The following CUBN variants were observed in gnomAD, a reference collection of about 807,000 sequenced individuals.
CUBN encodes the protein cubilin.
A neutral mutation model predicts 405.3 loss-of-function variants in CUBN; 282 were observed. The observed-to-expected ratio is 0.70, with a 90% CI of 0.63 to 0.77. The LOEUF is 0.77. CUBN is among the 30% of genes least tolerant of loss of function. The probability of loss-of-function intolerance (pLI) is 0.00; values close to 1 mark genes in which losing one functional copy is unlikely to be tolerated. For synonymous variants in CUBN, 1,684 were observed against 1,617.0 expected, an observed-to-expected ratio of 1.04 and a Z score of -0.99; for missense variants, 4,514 against 4,475.2, an observed-to-expected ratio of 1.01 and a Z score of -0.25.
At chr10:16,854,932 T>TCCTC (rs1225822398) in intron 59 of CUBN, among the ~76,000 whole-genome samples, 6 of 150,694 alleles carry the variant, frequency 4.0e-5, no homozygotes, top group Admixed American at 1.3e-4. Context: ...CTTCCTTCCT[T>TCCTC]CCTCCCTCCC....
In CUBN at chr10:16,831,158, G is replaced by C. The variant is rs116173751; in HGVS notation, c.10528+94C>G. On this transcript the variant is annotated intron_variant, in intron 65 of 66. Coordinates refer to ENST00000377833, the MANE Select transcript of CUBN (RefSeq NM_001081.4). Reference sequence around the variant, plus strand: ...TTAACATAAACTAATCAGGTACACAGGTAGCTAAAAATATAAAGTTACTTT... The same window carrying C: ...TTAACATAAACTAATCAGGTACACACGTAGCTAAAAATATAAAGTTACTTT... 5.2e-4 allele frequency: 549 copies of C among 1,048,188 alleles called. 2 individuals are homozygous for C. The African/African-American group carries it at 7.7e-3, about 15-fold the overall frequency. The allele number at this position is 1,048,188 out of a possible 1,614,324, so 64.9% of individuals were successfully genotyped here. A position where few individuals can be genotyped will look rare whatever the true frequency, so the allele number is the denominator to read the frequency against.
chr10:17,020,700 TTTAA>T (rs1464137185), intron 27 of CUBN, among the ~76,000 whole-genome samples: 7 of 152,206 alleles, frequency 4.6e-5, no homozygotes, highest in South Asian at 2.1e-4. Flanking sequence ...GAGCTATGTA[TTTAA>T]TTGTGTTTCT....
Position 16,824,802 on chromosome 10 carries a change from G to T in CUBN, c.*173C>A, listed in dbSNP as rs1838725246. The T allele has an allele frequency of 1.6e-6, 1 of 624,272 alleles. No individual in the cohort carries two copies. Among genetic ancestry groups the T allele is most frequent in the African/African-American group, 1.8e-5 (1 of 55,146 alleles). The allele number at this position is 624,272 out of a possible 1,614,324, so 38.7% of individuals were successfully genotyped here. A position where few individuals can be genotyped will look rare whatever the true frequency, so the allele number is the denominator to read the frequency against. ...CCCAAAGTGCTGAGAATACAGGGGG[G>T]TGAGCCACCACGCCTGGCCTACAAA... On this transcript the variant is annotated 3_prime_UTR_variant, in exon 67 of 67. Transcript: ENST00000377833.
At chr10:17,042,435 T>G (rs1284672184) in intron 26 of CUBN, among the ~76,000 whole-genome samples, 4 of 152,126 alleles carry the variant, frequency 2.6e-5, no homozygotes, top group Non-Finnish European at 2.9e-5. Context: ...ATGGCAAATT[T>G]TACAGATAAT....
chr10:16,828,654 G>C (rs1838869282), intron 66 of CUBN, 151 bp downstream of exon 66: 1 of 673,962 alleles, frequency 1.5e-6, no homozygotes, highest in South Asian at 1.7e-5. Flanking sequence ...GGAGGCGGAG[G>C]TTGCAGTGAG....
chr10:17,048,957 T>C (rs1368661602), intron 22 of CUBN, among the ~76,000 whole-genome samples: 1 of 152,250 alleles, frequency 6.6e-6, no homozygotes, highest in Non-Finnish European at 1.5e-5. Flanking sequence ...TATTTGATTT[T>C]ACTCTATTTT....
At chr10:17,060,587 A>G (rs1454330952) in intron 22 of CUBN, among the ~76,000 whole-genome samples, 1 of 152,266 alleles carries the variant, frequency 6.6e-6, no homozygotes, top group Non-Finnish European at 1.5e-5. Flanking sequence ...ACACCTGTAC[A>G]TACAAAATTA....
chr10:16,959,797 T>C (rs1427555603), intron 31 of CUBN, among the ~76,000 whole-genome samples: 1 of 152,174 alleles, frequency 6.6e-6, no homozygotes, highest in Non-Finnish European at 1.5e-5. Flanking sequence ...TCCATTTAGT[T>C]CCCAAGGCAA....
At chr10:17,046,405 A>G (rs1835132830) in intron 23 of CUBN, among the ~76,000 whole-genome samples, 1 of 152,214 alleles carries the variant, frequency 6.6e-6, no homozygotes, top group Non-Finnish European at 1.5e-5. Flanking sequence ...TGTGTCAGAG[A>G]AAACACGATA....
chr10:16,982,995 C>T (rs3012487), intron 30 of CUBN, among the ~76,000 whole-genome samples: 111,100 of 151,682 alleles, frequency 0.73, 43,520 homozygotes, highest in Non-Finnish European at 0.89. Flanking sequence ...GGAAGAATAA[C>T]ATGTTTCCTT....
At chr10:16,929,793 G>A (rs1182047342) in intron 40 of CUBN, among the ~76,000 whole-genome samples, 1 of 152,078 alleles carries the variant, frequency 6.6e-6, no homozygotes, top group Non-Finnish European at 1.5e-5. Flanking sequence ...CTGATTACCT[G>A]TACTACAAAA....
At chr10:16,920,245 C>T in intron 43 of CUBN, 108 bp from the exon 44 acceptor site, 1 of 1,129,056 alleles carries the variant, frequency 8.9e-7, no homozygotes, top group South Asian at 1.3e-5. Flanking sequence ...TCTCCATTTC[C>T]TTTCATCTGT....
At chr10:17,104,740 AATAT>A in intron 11 of CUBN, 135 bp from the exon 12 acceptor site, 1 of 222,426 alleles carries the variant, frequency 4.5e-6, no homozygotes, top group Non-Finnish European at 8.7e-6. Context: ...TATATAAAAT[AATAT>A]ATAATTATAT....
intron 14 of CUBN, among the ~76,000 whole-genome samples, chr10:17,090,231 T>C (rs887068317): frequency 3.3e-5 from 5 of 152,162 alleles, no homozygotes; most frequent in Admixed American, 1.3e-4. Context: ...CCAGGATATA[T>C]GATGTGAAAA....
chr10:16,967,872 G>C (rs1369434827), intron 31 of CUBN, among the ~76,000 whole-genome samples: 7 of 144,674 alleles, frequency 4.8e-5, no homozygotes, highest in African/African-American at 1.8e-4. Flanking sequence ...GGAGAGACAG[G>C]GAGAGAGAGA....
chr10:16,890,295 G>C, intron 55 of CUBN, 76 bp downstream of exon 55: 2 of 1,506,522 alleles, frequency 1.3e-6, no homozygotes, highest in South Asian at 2.3e-5. Context: ...AGACCCCCAG[G>C]TTTAGCCAAC....
chr10:17,088,033 T>C (rs1836163134), intron 15 of CUBN, 131 bp downstream of exon 15: 1 of 698,796 alleles, frequency 1.4e-6, no homozygotes. Context: ...AAGAGTTAGA[T>C]ATTGACTGAC....
chr10:17,035,840 G>A (rs577060326), intron 27 of CUBN, among the ~76,000 whole-genome samples: 1 of 141,480 alleles, frequency 7.1e-6, no homozygotes, highest in Admixed American at 6.9e-5. Flanking sequence ...CTACCTGAGG[G>A]TGGAGGGTGG....
At chr10:16,933,036 A>G in intron 40 of CUBN, 51 bp downstream of exon 40, 1 of 1,568,088 alleles carries the variant, frequency 6.4e-7, no homozygotes. Flanking sequence ...AATGGACTAG[A>G]ACTAATTATG....
Sources: gnomAD v4.1 joint callset for allele counts (sites outside exome capture counted in the v4.1 genomes callset) on GRCh38, gnomAD v4.1.1 for gene constraint, MANE v1.5 for transcripts, NCBI Gene and HGNC (gene_info 2026-07-23, HGNC 2026-07-21) for gene names.